Variants in PLA2G6 observed in about 807,000 individuals in gnomAD.
PLA2G6 encodes 85/88 kDa calcium-independent phospholipase A2.
PLA2G6 carries 62 observed loss-of-function variants against 83.8 expected under a neutral mutation model. That is an observed-to-expected ratio of 0.74 (90% CI 0.60 to 0.91). The LOEUF is 0.91. Among genes scored for constraint, PLA2G6 ranks in the 40% least tolerant of loss-of-function variants. The probability of loss-of-function intolerance (pLI) is 0.00; values close to 1 mark genes in which losing one functional copy is unlikely to be tolerated. For synonymous variants in PLA2G6, 417 were observed against 449.8 expected, an observed-to-expected ratio of 0.93 and a Z score of 0.92; for missense variants, 944 against 1,102.0, an observed-to-expected ratio of 0.86 and a Z score of 2.03.
chr22:38,119,506 T>C (rs181433641), intron 12 of PLA2G6, among the ~76,000 whole-genome samples: 229 of 152,268 alleles, frequency 1.5e-3, no homozygotes, highest in African/African-American at 5.2e-3. Context: ...CGTGTGCTGC[T>C]TGGGGGCAGC....
intron 2 of PLA2G6, among the ~76,000 whole-genome samples, chr22:38,159,872 T>C (rs2089942684): frequency 6.6e-6 from 1 of 152,150 alleles, no homozygotes; most frequent in Non-Finnish European, 1.5e-5. Context: ...GTAAAGAAGA[T>C]GAACAAATTT....
At chr22:38,139,376 A>G (rs1330269997) in intron 5 of PLA2G6, 1 of 151,858 alleles carries the variant, frequency 6.6e-6, no homozygotes, top group Non-Finnish European at 1.5e-5. Context: ...ATAGAGGGAG[A>G]TTCACTCCTA....
chr22:38,143,747 TG>T, intron 3 of PLA2G6: 1 of 299,794 alleles, frequency 3.3e-6, no homozygotes, highest in South Asian at 3.2e-5. Flanking sequence ...GTTTTTGTTT[TG>T]TTTTGTTTTT....
chr22:38,174,993 A>C (rs905060486), intron 1 of PLA2G6, among the ~76,000 whole-genome samples: 1 of 152,116 alleles, frequency 6.6e-6, no homozygotes, highest in African/African-American at 2.4e-5. Flanking sequence ...ACTCAGTCCC[A>C]AAAATCTGGT....
chr22:38,157,809 G>A (rs773297912), intron 2 of PLA2G6, among the ~76,000 whole-genome samples: 1 of 152,142 alleles, frequency 6.6e-6, no homozygotes, highest in Non-Finnish European at 1.5e-5. Flanking sequence ...GCAGGGGCAG[G>A]TGGATCACCT....
intron 9 of PLA2G6, chr22:38,127,504 G>C: frequency 8.2e-7 from 1 of 1,216,060 alleles, no homozygotes; most frequent in Non-Finnish European, 1.1e-6. Context: ...GGGAGTTCCT[G>C]GGAGGGGAGA....
rs1157733910 is a variant in PLA2G6 at position 38,128,141 on chromosome 22, C to T, written c.1348+128G>A. The T allele has an allele frequency of 2.2e-5, 22 of 994,296 alleles. No individual in the cohort carries two copies. Among genetic ancestry groups the T allele is most frequent in the South Asian group, 1.7e-4 (12 of 70,000 alleles). 61.6% of individuals were successfully genotyped at this position (994,296 alleles called of 1,614,324 possible). A position where few individuals can be genotyped will look rare whatever the true frequency, so the allele number is the denominator to read the frequency against. On this transcript the variant is annotated intron_variant, in intron 9 of 16. Coordinates refer to ENST00000332509, the MANE Select transcript of PLA2G6 (RefSeq NM_003560.4). This position sits in a 1 kb window ranked among gnomAD's most constrained non-coding sequence, Gnocchi z 4.4. ...CTGGCTGCCTAGAGGCTGACAACTCCGGCCCCATCCTCCCCGGCTTCCTTT... is the reference window on the plus strand; with the variant it reads ...CTGGCTGCCTAGAGGCTGACAACTCTGGCCCCATCCTCCCCGGCTTCCTTT...
chr22:38,132,587 A>C lies in PLA2G6; in HGVS notation c.1077+244T>G. The C allele has an allele frequency of 1.7e-6, 1 of 577,224 alleles. No individual in the cohort carries two copies. Among genetic ancestry groups the C allele is most frequent in the Non-Finnish European group, 3.1e-6 (1 of 322,958 alleles). The allele number at this position is 577,224 out of a possible 1,614,324, so 35.8% of individuals were successfully genotyped here. A position where few individuals can be genotyped will look rare whatever the true frequency, so the allele number is the denominator to read the frequency against. ...TTCCCTCTCGTGCCATGCAAGTGCC[A>C]AATGGGGGCACAGGTGGAAAAGGTA... On this transcript the variant is annotated intron_variant, in intron 7 of 16. Transcript: ENST00000332509. The surrounding 1 kb of genome is among the most constrained non-coding windows in gnomAD (Gnocchi z 5.0).
rs145055030 is a variant in PLA2G6, at chr22:38,180,821, C to T, written c.-46+843G>A. On this transcript the variant is annotated intron_variant, in intron 1 of 16. Coordinates refer to ENST00000332509, the MANE Select transcript of PLA2G6 (RefSeq NM_003560.4). ...CCTGTCACAGATGAGGAAACTGAGA[C>T]TTGGACAGAAAACAGGTTCCAAACT... Among the ~76,000 whole-genome samples, 406 of 152,294 alleles carry T rather than the reference C, an allele frequency of 2.7e-3. 1 individual carries two copies. The highest frequency in any genetic ancestry group is 9.2e-3 in the African/African-American group (383 of 41,560).
Position 38,174,694 on chromosome 22 carries a change from G to A in PLA2G6, c.-45-5223C>T, listed in dbSNP as rs144391302. 1.6e-3 allele frequency among the ~76,000 whole-genome samples: 239 copies of A among 152,312 alleles called. 3 individuals carry two copies. The highest frequency in any genetic ancestry group is 5.2e-3 in the African/African-American group (217 of 41,558). On this transcript the variant is annotated intron_variant, in intron 1 of 16. Transcript: ENST00000332509. Reference sequence around the variant, plus strand: ...CAGCAGATGAAGCAGATCAGAACACGGAGGAAGGCAGAGATCAGGGGCTTG... The same window carrying A: ...CAGCAGATGAAGCAGATCAGAACACAGAGGAAGGCAGAGATCAGGGGCTTG...
chr22:38,113,570 C>T lies in PLA2G6; in HGVS notation c.2119G>A (p.Asp707Asn). 4 of 1,613,956 alleles carry T rather than the reference C, an allele frequency of 2.5e-6. No homozygotes were observed. The highest frequency in any genetic ancestry group is 3.4e-6 in the Non-Finnish European group (4 of 1,179,958). ...RSPQVPVTCVDVFRPSNPWEL... is the reference protein window; with the variant it reads ...RSPQVPVTCVNVFRPSNPWEL... ...CAGGGGTTGCTGGGACGGAAGACAT[C>T]CACACAGGTCACAGGCACTTGTGGG... Residue 707 changes from aspartate to asparagine, a missense_variant, in exon 15 of 17, where the codon GAT becomes AAT. Coordinates refer to ENST00000332509, the MANE Select transcript of PLA2G6 (RefSeq NM_003560.4).
In PLA2G6 at chr22:38,115,563, G is replaced by C; in HGVS notation, c.1998C>G (p.Thr666=). The C allele has an allele frequency of 3.7e-6, 6 of 1,613,610 alleles. No homozygotes were observed. The highest frequency in any genetic ancestry group is 4.2e-6 in the Non-Finnish European group (5 of 1,179,926). ...LANNPTLDAM[T]EIHEYNQDLI... is the part of the protein sequence containing the mutation. ...GGTCCTGATTGTACTCATGGATCTC[G>C]GTCATGGCATCCAGCGTGGGGTTGT... Residue 666 remains threonine, a synonymous_variant, in exon 14 of 17, where the codon ACC becomes ACG. Coordinates refer to ENST00000332509, the MANE Select transcript of PLA2G6 (RefSeq NM_003560.4).
intron 2 of PLA2G6, among the ~76,000 whole-genome samples, chr22:38,155,524 G>C (rs570296277): frequency 2.6e-5 from 4 of 152,082 alleles, no homozygotes; most frequent in African/African-American, 9.7e-5. Flanking sequence ...AAAAAGTGGG[G>C]GGACAAAGTT....
chr22:38,137,315 G>A (rs1356871572), intron 5 of PLA2G6: 1 of 152,496 alleles, frequency 6.6e-6, no homozygotes, highest in African/African-American at 2.4e-5. Flanking sequence ...GCCAGCTCCG[G>A]CTAGTGTCCA....
intron 10 of PLA2G6, 29 bp downstream of exon 10, chr22:38,126,342 C>T (rs901501034): frequency 7.0e-6 from 11 of 1,563,400 alleles, no homozygotes; most frequent in Middle Eastern, 1.7e-4. Context: ...ACACGTTCCC[C>T]GCTCTGCCCC....
intron 1 of PLA2G6, 131 bp from the exon 2 acceptor site, chr22:38,169,602 G>T (rs1391741932): frequency 8.8e-5 from 57 of 649,312 alleles, no homozygotes; most frequent in Non-Finnish European, 1.9e-5. Context: ...GGGCCTGGAG[G>T]GATCTTAAAA....
At chr22:38,151,302 A>G (rs373746681) in intron 2 of PLA2G6, among the ~76,000 whole-genome samples, 1 of 151,262 alleles carries the variant, frequency 6.6e-6, no homozygotes, top group Admixed American at 6.6e-5. Flanking sequence ...GCTGGAGTGC[A>G]GTGGTGCAAT....
chr22:38,179,451 G>C (rs1007282451), intron 1 of PLA2G6, among the ~76,000 whole-genome samples: 3 of 151,642 alleles, frequency 2.0e-5, no homozygotes, highest in East Asian at 1.9e-4. Context: ...AGTGGGGTCA[G>C]GGATGGAGGG....
intron 2 of PLA2G6, among the ~76,000 whole-genome samples, chr22:38,164,752 C>T (rs554519359): frequency 9.6e-4 from 146 of 152,260 alleles, no homozygotes; most frequent in Non-Finnish European, 1.6e-3. Context: ...CACTCTAACA[C>T]GCGTCAAGTA....
Sources: allele counts gnomAD v4.1 joint callset (sites outside exome capture counted in the v4.1 genomes callset), GRCh38; gene constraint gnomAD v4.1.1; non-coding constraint Gnocchi (gnomAD v3.1); transcripts MANE v1.5; gene names NCBI Gene and HGNC (gene_info 2026-07-23, HGNC 2026-07-21).